PDE4D: variants seen among roughly 807,000 people sequenced by gnomAD.
PDE4D encodes phosphodiesterase 4D.
Under a neutral mutation model 87.4 loss-of-function variants are expected in PDE4D, and 24 were observed. That is an observed-to-expected ratio of 0.27 (90% CI 0.20 to 0.39). The LOEUF (loss-of-function observed/expected upper bound fraction) is 0.39, where lower values mean the gene tolerates loss of function less well. PDE4D is among the 10% of genes least tolerant of loss of function. PDE4D has a pLI of 1.00. For synonymous variants in PDE4D, 384 were observed against 383.2 expected, an observed-to-expected ratio of 1.00 and a Z score of -0.02; for missense variants, 714 against 1,041.0, an observed-to-expected ratio of 0.69 and a Z score of 4.32.
chr5:60,504,333 AG>A (rs1466365192), intron 1 of PDE4D, among the ~76,000 whole-genome samples: 1 of 150,776 alleles, frequency 6.6e-6, no homozygotes, highest in African/African-American at 2.5e-5. Context: ...AGTTCTTTTA[AG>A]GTTTTTTTTT....
chr5:59,188,770 T>C (rs968875107), intron 3 of PDE4D, among the ~76,000 whole-genome samples: 3 of 152,204 alleles, frequency 2.0e-5, no homozygotes, highest in Admixed American at 6.5e-5. Context: ...AAGGTCATTT[T>C]TATGAAAAGA....
In PDE4D at chr5:59,362,139, T is replaced by C. The variant is rs114724793; in HGVS notation, c.456-146171A>G. 5.5e-3 allele frequency among the ~76,000 whole-genome samples: 835 copies of C among 152,298 alleles called. 13 individuals carry two copies. The highest frequency in any genetic ancestry group is 0.019 in the African/African-American group (799 of 41,556). On this transcript the variant is annotated intron_variant, in intron 1 of 14. Coordinates refer to ENST00000340635, the MANE Select transcript of PDE4D (RefSeq NM_001104631.2). ...CATTGCAAAGAGTTTTGGAGAGGGC[T>C]GAATAAGGCAATTTATATAAAAACA...
intron 5 of PDE4D, among the ~76,000 whole-genome samples, chr5:59,056,902 AAG>A (rs762642854): frequency 6.4e-4 from 97 of 152,292 alleles, no homozygotes; most frequent in Middle Eastern, 6.8e-3. Flanking sequence ...TAAGGGAGTG[AAG>A]AGAACCCAGC....
chr5:60,306,052 T>G (rs932216033), intron 1 of PDE4D, among the ~76,000 whole-genome samples: 1 of 152,086 alleles, frequency 6.6e-6, no homozygotes, highest in African/African-American at 2.4e-5. Context: ...TCAAAAATTG[T>G]TCATATATTA....
chr5:58,995,352 T>A (rs1363190369), intron 6 of PDE4D, among the ~76,000 whole-genome samples: 4 of 152,184 alleles, frequency 2.6e-5, no homozygotes, highest in African/African-American at 4.8e-5. Flanking sequence ...AAAACTGGCA[T>A]CAGGTGGTAT....
intron 3 of PDE4D, among the ~76,000 whole-genome samples, chr5:59,934,923 G>A (rs1756397389): frequency 6.6e-6 from 1 of 152,112 alleles, no homozygotes; most frequent in Non-Finnish European, 1.5e-5. Context: ...TGAAGTTGGA[G>A]AGACGACAAT....
intron 1 of PDE4D, among the ~76,000 whole-genome samples, chr5:59,689,486 T>C (rs1173671081): frequency 1.3e-5 from 2 of 152,100 alleles, no homozygotes; most frequent in African/African-American, 2.4e-5. Context: ...ATTCTCTCAA[T>C]AGATGCAGAA....
At chr5:59,892,393 T>C (rs1340239978) in intron 1 of PDE4D, among the ~76,000 whole-genome samples, 1 of 152,150 alleles carries the variant, frequency 6.6e-6, no homozygotes, top group Non-Finnish European at 1.5e-5. Context: ...AGGCGCTTTC[T>C]TCCTGGGATT....
At chr5:59,995,069 C>A (rs898600288) in intron 2 of PDE4D, among the ~76,000 whole-genome samples, 11 of 152,212 alleles carry the variant, frequency 7.2e-5, no homozygotes, top group African/African-American at 2.6e-4. Context: ...GTACATAACA[C>A]TTTTGCAAGT....
intron 1 of PDE4D, among the ~76,000 whole-genome samples, chr5:59,572,792 T>C (rs1325614168): frequency 1.3e-5 from 2 of 152,218 alleles, no homozygotes; most frequent in Non-Finnish European, 2.9e-5. Flanking sequence ...TTTCTTTTAA[T>C]TATAAACTAA....
intron 1 of PDE4D, among the ~76,000 whole-genome samples, chr5:60,501,844 G>A (rs1750094375): frequency 6.6e-6 from 1 of 152,030 alleles, no homozygotes; most frequent in African/African-American, 2.4e-5. Context: ...CTTTTTGATG[G>A]GGTTGTTTGT....
chr5:59,830,893 T>G (rs1044036721), intron 1 of PDE4D, among the ~76,000 whole-genome samples: 3 of 152,088 alleles, frequency 2.0e-5, no homozygotes, highest in Non-Finnish European at 4.4e-5. Context: ...AATAAAATTG[T>G]GTTCACCTAT....
intron 1 of PDE4D, among the ~76,000 whole-genome samples, chr5:59,336,311 T>C (rs900074178): frequency 6.6e-6 from 1 of 152,344 alleles, no homozygotes; most frequent in East Asian, 1.9e-4. Context: ...AGGGAAACTT[T>C]CGTAGAAAAA....
intron 1 of PDE4D, among the ~76,000 whole-genome samples, chr5:60,501,943 C>T (rs62372018): frequency 2.0e-5 from 3 of 152,154 alleles, no homozygotes; most frequent in Middle Eastern, 6.8e-3. Context: ...TTTCTCCCAT[C>T]CTGTAGGTTG....
intron 1 of PDE4D, among the ~76,000 whole-genome samples, chr5:59,496,417 G>T (rs982579428): frequency 1.3e-5 from 2 of 152,150 alleles, no homozygotes; most frequent in South Asian, 4.1e-4. Context: ...ACCTAGGTCC[G>T]TGGGCACAGG....
At chr5:59,285,697 A>G (rs1348940417) in intron 1 of PDE4D, among the ~76,000 whole-genome samples, 1 of 152,198 alleles carries the variant, frequency 6.6e-6, no homozygotes, top group African/African-American at 2.4e-5. Flanking sequence ...GTGATATTCA[A>G]CCCAGACAGA....
At chr5:59,481,922 T>C (rs948844051) in intron 1 of PDE4D, among the ~76,000 whole-genome samples, 4 of 151,984 alleles carry the variant, frequency 2.6e-5, no homozygotes, top group Non-Finnish European at 4.4e-5. Context: ...CAAAAAAAAA[T>C]CTTTGGCATA....
At chr5:59,711,831 A>T (rs1754242738) in intron 1 of PDE4D, among the ~76,000 whole-genome samples, 1 of 152,144 alleles carries the variant, frequency 6.6e-6, no homozygotes. Context: ...AGGTTATATA[A>T]TGTTCAGATC....
At chr5:60,039,754 G>T (rs960924600) in intron 2 of PDE4D, among the ~76,000 whole-genome samples, 1 of 151,980 alleles carries the variant, frequency 6.6e-6, no homozygotes, top group South Asian at 2.1e-4. Flanking sequence ...ATGTTTCCTA[G>T]CTTTTCAAAG....
Sources: gnomAD v4.1 joint callset for allele counts (sites outside exome capture counted in the v4.1 genomes callset) on GRCh38, gnomAD v4.1.1 for gene constraint, MANE v1.5 for transcripts, NCBI Gene and HGNC (gene_info 2026-07-23, HGNC 2026-07-21) for gene names.